Variants in CENPE observed in about 807,000 individuals in gnomAD.
CENPE encodes the protein centromere-associated protein E.
A neutral mutation model predicts 336.1 loss-of-function variants in CENPE; 145 were observed. That is an observed-to-expected ratio of 0.43 (90% confidence interval 0.38 to 0.50). The LOEUF (loss-of-function observed/expected upper bound fraction) is 0.50. Among genes scored for constraint, CENPE ranks in the 20% least tolerant of loss-of-function variants. CENPE has a pLI of 0.00. For synonymous variants in CENPE, 1,013 were observed against 984.8 expected, an observed-to-expected ratio of 1.03 and a Z score of -0.54; for missense variants, 2,719 against 3,023.3, an observed-to-expected ratio of 0.90 and a Z score of 2.36.
intron 41 of CENPE, 36 bp from the exon 42 acceptor site, chr4:103,132,932 T>G: frequency 2.9e-6 from 2 of 681,232 alleles, no homozygotes; most frequent in Non-Finnish European, 4.3e-6. Flanking sequence ...GTTTAAACAT[T>G]AGGAAAGTTT....
At chr4:103,188,400 C>G (rs1279686701) in intron 8 of CENPE, among the ~76,000 whole-genome samples, 1 of 152,190 alleles carries the variant, frequency 6.6e-6, no homozygotes, top group Non-Finnish European at 1.5e-5. Flanking sequence ...AAGTAAAGCA[C>G]TCCTCAGCAA....
At chr4:103,122,813 G>T in intron 43 of CENPE, 58 bp downstream of exon 43, 1 of 1,251,190 alleles carries the variant, frequency 8.0e-7, no homozygotes, top group Non-Finnish European at 1.2e-6. Flanking sequence ...CTATAATTTT[G>T]CTCTAAACTC....
chr4:103,140,493 A>G (rs1369762134), intron 36 of CENPE, 79 bp from the exon 37 acceptor site: 5 of 1,043,678 alleles, frequency 4.8e-6, no homozygotes, highest in Non-Finnish European at 6.8e-6. Flanking sequence ...TTTAAACAAA[A>G]TCTTAAAAAT....
At chr4:103,171,317 A>C (rs1302658768) in intron 16 of CENPE, among the ~76,000 whole-genome samples, 1 of 152,142 alleles carries the variant, frequency 6.6e-6, no homozygotes, top group Non-Finnish European at 1.5e-5. Flanking sequence ...AATTATATCA[A>C]GTATCTTTTC....
At position 103,108,786 on chromosome 4, in the gene CENPE, C is replaced by T; in HGVS notation, c.8011+17G>A. ...CTGTTACCCTCTGATTTCCAAGTAA[C>T]CAGTATATTTACTTACCTGGACAAA... On this transcript the variant is annotated intron_variant, in intron 48 of 48. Coordinates refer to ENST00000265148, the MANE Select transcript of CENPE (RefSeq NM_001813.3). 6.2e-7 allele frequency: 1 copy of T among 1,601,312 alleles called. No individual in the cohort carries two copies. The highest frequency in any genetic ancestry group is 8.5e-7 in the Non-Finnish European group (1 of 1,172,994).
rs140863976 is a variant in CENPE, at chr4:103,159,012, C to T, written c.2599G>A (p.Glu867Lys). ...TCAAAATAGCATCTTGTACCAACCT[C>T]GGTCTTCAAAGCACCCAAACTCGAA... The part of the protein sequence containing the change: ...FDSSLGALKT[E>K]LSYKTQELQE... Residue 867 changes from glutamate (E) to lysine (K), a missense_variant and splice_region_variant, in exon 22 of 49, where the codon GAG becomes AAG. By Grantham distance (56) the Glu-to-Lys change is moderately conservative (BLOSUM62 1). Around this residue, in one of 5 missense-constraint regions of CENPE, gnomAD observed 2,437 missense variants for 2,513.3 expected, o/e 0.97. Coordinates refer to ENST00000265148, the MANE Select transcript of CENPE (RefSeq NM_001813.3). 383 of 1,531,590 alleles carry T rather than the reference C, an allele frequency of 2.5e-4. No individual in the cohort carries two copies. The highest frequency in any genetic ancestry group is 3.2e-4 in the Non-Finnish European group (363 of 1,146,410). The allele number at this position is 1,531,590 out of a possible 1,614,324, so 94.9% of individuals were successfully genotyped here. A position where few individuals can be genotyped will look rare whatever the true frequency, so the allele number is the denominator to read the frequency against.
In CENPE at chr4:103,140,009, T is replaced by A. The variant is rs751158171; in HGVS notation, c.5984A>T (p.Lys1995Ile). ...VKEDVNMSHK[K>I]INEMEQLKKQ... ...CTTCAACTGTTCCATTTCATTAATT[T>A]TTTTATGACTCATATTGACATCTTC... Residue 1995 changes from lysine (K) to isoleucine (I), a missense_variant, in exon 38 of 49, where the codon AAA becomes ATA. By Grantham distance (102) the Lys-to-Ile change is moderately radical. Coordinates refer to ENST00000265148, the MANE Select transcript of CENPE (RefSeq NM_001813.3). 2 of 1,612,472 alleles carry A rather than the reference T, an allele frequency of 1.2e-6. No homozygotes were observed. Among genetic ancestry groups the A allele is most frequent in the Non-Finnish European group, 1.7e-6 (2 of 1,179,096 alleles).
intron 29 of CENPE, 47 bp from the exon 30 acceptor site, chr4:103,146,154 G>C: frequency 6.5e-7 from 1 of 1,535,760 alleles, no homozygotes; most frequent in Non-Finnish European, 8.8e-7. Flanking sequence ...GAGATATTGT[G>C]TTTTAGGGGA....
At position 103,138,361 on chromosome 4, in the gene CENPE, G is replaced by T. The variant is rs752250345; in HGVS notation, c.6293C>A (p.Ser2098Tyr). The change falls in exon 39 of 49, where the codon TCT becomes TAT. Residue 2098 changes from serine to tyrosine, a missense_variant. Physicochemically the swap from Ser to Tyr is moderately radical, Grantham distance 144 (BLOSUM62 -2). Coordinates refer to ENST00000265148, the MANE Select transcript of CENPE (RefSeq NM_001813.3). ...ACAGGGGGTACTTACTTTTATTCTA[G>T]AGCACTTTTCTCTCAGGCTTTCCGT... ...HLTESLREKC[S>Y]RIKELLKRYS... is the part of the protein sequence containing the mutation. The T allele has an allele frequency of 6.2e-7, 1 of 1,607,038 alleles. No homozygotes were observed.
chr4:103,114,588 C>T (rs1421233783), intron 45 of CENPE, 36 bp from the exon 46 acceptor site: 1 of 1,339,594 alleles, frequency 7.5e-7, no homozygotes, highest in Admixed American at 1.7e-5. Flanking sequence ...AAAAGCTCAG[C>T]AACTGATTTT....
intron 1 of CENPE, among the ~76,000 whole-genome samples, chr4:103,197,588 C>T (rs1411107812): frequency 6.6e-6 from 1 of 152,228 alleles, no homozygotes; most frequent in Non-Finnish European, 1.5e-5. Flanking sequence ...ATTTCTCACA[C>T]ACACAAAGTG....
chr4:103,158,448 G>C lies in CENPE; in HGVS notation c.2885C>G (p.Thr962Ser). 3 of 1,572,114 alleles carry C rather than the reference G, an allele frequency of 1.9e-6. No individual in the cohort carries two copies. The highest frequency in any genetic ancestry group is 2.6e-6 in the Non-Finnish European group (3 of 1,162,154). The change falls in exon 24 of 49, where the codon ACT (threonine) becomes AGT (serine). Residue 962 changes from threonine (T) to serine (S), a missense_variant. By Grantham distance (58) the Thr-to-Ser change is moderately conservative (BLOSUM62 1). Coordinates refer to ENST00000265148, the MANE Select transcript of CENPE (RefSeq NM_001813.3). ...IHDTVNMNID[T>S]QEQLRNALES... ...AAGAGCATTTCGTAATTGTTCTTGA[G>C]TATCTATATTCTTTGTTAGAAAAAT... is the stretch of plus-strand genomic sequence containing the variant.
At chr4:103,194,332 T>C in intron 7 of CENPE, 38 bp from the exon 8 acceptor site, 1 of 1,609,718 alleles carries the variant, frequency 6.2e-7, no homozygotes, top group Non-Finnish European at 8.5e-7. Flanking sequence ...AATTAGTGCA[T>C]TCTTACTTGG....
At chr4:103,111,784 A>C (rs905840776) in intron 46 of CENPE, among the ~76,000 whole-genome samples, 3 of 152,082 alleles carry the variant, frequency 2.0e-5, no homozygotes, top group African/African-American at 7.2e-5. Context: ...TGCTGTGGTT[A>C]TCCTGTAACA....
chr4:103,113,573 A>G (rs913311597), intron 46 of CENPE, among the ~76,000 whole-genome samples: 1 of 142,352 alleles, frequency 7.0e-6, no homozygotes, highest in African/African-American at 2.6e-5. Flanking sequence ...AGTAATATAT[A>G]TTTTATATTA....
intron 24 of CENPE, 87 bp from the exon 25 acceptor site, chr4:103,153,337 T>C (rs1753713997): frequency 2.5e-6 from 2 of 795,194 alleles, no homozygotes; most frequent in South Asian, 1.8e-5. Flanking sequence ...ACATCTATTA[T>C]GTGCCAGGTA....
rs1247745805 is a variant in CENPE, at chr4:103,163,248, G to C, written c.1731C>G (p.Leu577=). The stretch of plus-strand genomic sequence containing the variant: ...CTCTAAGCAGCTCTACTTTTGAACT[G>C]AGTTCATTCTAAAAGAATCAAAGGA... ...EVYNQDLENE[L]SSKVELLREK... is the part of the protein sequence containing the mutation. Residue 577 remains leucine, a synonymous_variant, in exon 18 of 49, where the codon CTC becomes CTG. Transcript: ENST00000265148. 6.2e-7 allele frequency: 1 copy of C among 1,606,602 alleles called. No homozygotes were observed. The highest frequency in any genetic ancestry group is 8.5e-7 in the Non-Finnish European group (1 of 1,176,128).
At chr4:103,106,457 G>T in intron 48 of CENPE, 141 bp from the exon 49 acceptor site, 1 of 513,662 alleles carries the variant, frequency 1.9e-6, no homozygotes. Context: ...GTTTGGTCAT[G>T]AAGATGGTGT....
Position 103,180,535 on chromosome 4 carries a change from C to T in CENPE, c.1084-66G>A, listed in dbSNP as rs149682822. The T allele has an allele frequency of 2.5e-4, 250 of 1,019,620 alleles. 5 individuals are homozygous for T. The East Asian group carries it at 6.6e-3, about 27-fold the overall frequency. The allele number at this position is 1,019,620 out of a possible 1,614,324, so 63.2% of individuals were successfully genotyped here. On this transcript the variant is annotated intron_variant, in intron 12 of 48. Coordinates refer to ENST00000265148, the MANE Select transcript of CENPE (RefSeq NM_001813.3). ...GCTAAGTTTTAAAACCTTAAAGTAG[C>T]ATAAAAGAATAAAATATTAAATTTG... is the stretch of plus-strand genomic sequence containing the variant.
Sources: allele counts gnomAD v4.1 joint callset (sites outside exome capture counted in the v4.1 genomes callset), GRCh38; gene constraint gnomAD v4.1.1; regional missense constraint gnomAD v4.1.1; transcripts MANE v1.5; gene names NCBI Gene and HGNC (gene_info 2026-07-23, HGNC 2026-07-21).